MSN: variants seen among roughly 807,000 people sequenced by gnomAD.
MSN encodes epididymis luminal protein 70.
Under a neutral mutation model 48.0 loss-of-function variants are expected in MSN, and 2 were observed. The observed-to-expected ratio is 0.04, with a 90% CI of 0.02 to 0.13. MSN has a LOEUF of 0.13. Ranked by LOEUF, MSN falls within the 10% of genes least tolerant of loss-of-function variation. The pLI, the probability that MSN is intolerant of heterozygous loss-of-function variation, is 1.00. For synonymous variants in MSN, 146 were observed against 166.9 expected (o/e 0.87, Z 0.97); for missense variants, 267 against 470.1 (o/e 0.57, Z 3.99).
At position 65,589,998 on chromosome X, in the gene MSN, T is replaced by C. The variant is rs775259569; in HGVS notation, c.-22+1386T>C. Among the ~76,000 whole-genome samples, 11 of 110,923 alleles carry C rather than the reference T, an allele frequency of 9.9e-5. No homozygotes were observed. The South Asian group carries it at 4.3e-3, about 43-fold the overall frequency. On this transcript the variant is annotated intron_variant, in intron 1 of 3. Coordinates refer to the MSN transcript ENST00000609672. ...CTCCTGCCTCAGCCTCCCAAGTAGC[T>C]GGGATTACAGGTGTACACTGCCCTG...
chrX:65,641,578 ATATATATATATATATATATATATT>A (rs2070652918), intron 1 of MSN, among the ~76,000 whole-genome samples: 71 of 68,338 alleles, frequency 1.0e-3, no homozygotes, highest in African/African-American at 4.1e-3. Context: ...ATATATATAT[ATATATATATATATATATATATATT>A]TTAGCATATT....
At chrX:65,723,282 A>G (rs183312135) in intron 2 of MSN, among the ~76,000 whole-genome samples, 14 of 112,211 alleles carry the variant, frequency 1.2e-4, no homozygotes, top group African/African-American at 3.6e-4. Context: ...ATGGAGTAGA[A>G]TATAAAATTT....
At chrX:65,646,938 G>T (rs1175727801) in intron 1 of MSN, among the ~76,000 whole-genome samples, 1 of 111,052 alleles carries the variant, frequency 9.0e-6, no homozygotes, top group Admixed American at 9.7e-5. Context: ...CAAGAGTGAA[G>T]CTCCATCTCA....
intron 3 of MSN, 37 bp downstream of exon 3, chrX:65,727,946 T>C: frequency 8.8e-7 from 1 of 1,137,357 alleles, no homozygotes; most frequent in Non-Finnish European, 1.2e-6. Context: ...TAGAATTCTT[T>C]TCTTTTCCAG....
chrX:65,629,750 G>T (rs1027209801), intron 1 of MSN, among the ~76,000 whole-genome samples: 1 of 111,617 alleles, frequency 9.0e-6, no homozygotes, highest in African/African-American at 3.3e-5. Flanking sequence ...GCGTGGGAAA[G>T]ACTCGCCCCC....
exon 1 of MSN, chrX:65,588,573 C>T (rs955464627): frequency 3.6e-5 from 29 of 802,809 alleles, no homozygotes; most frequent in Non-Finnish European, 4.2e-5. Flanking sequence ...GCCATCAGTC[C>T]CTTAACTGCC....
chrX:65,724,024 A>T (rs1602854334), intron 2 of MSN, among the ~76,000 whole-genome samples: 1 of 107,868 alleles, frequency 9.3e-6, no homozygotes, highest in African/African-American at 3.4e-5. Context: ...CCCAGCACTG[A>T]GCCTGAATTC....
chrX:65,727,488 C>T (rs2071578945), intron 2 of MSN, among the ~76,000 whole-genome samples: 1 of 112,040 alleles, frequency 8.9e-6, no homozygotes, highest in Non-Finnish European at 1.9e-5. Context: ...TTATTTGAAC[C>T]TCATTTTTGA....
intron 1 of MSN, among the ~76,000 whole-genome samples, chrX:65,678,438 C>G (rs1030359215): frequency 9.0e-6 from 1 of 111,556 alleles, no homozygotes; most frequent in Non-Finnish European, 1.9e-5. Flanking sequence ...CTCTGACAGC[C>G]TAGGAGTGGT....
chrX:65,605,026 C>T (rs760634149), intron 1 of MSN, among the ~76,000 whole-genome samples: 24 of 112,512 alleles, frequency 2.1e-4, no homozygotes, highest in Non-Finnish European at 9.4e-5. Flanking sequence ...ACTTACAATC[C>T]TATTAAAGAT....
At chrX:65,715,475 ATTTG>A (rs1237495488) in intron 1 of MSN, among the ~76,000 whole-genome samples, 1 of 111,480 alleles carries the variant, frequency 9.0e-6, no homozygotes, top group Admixed American at 9.5e-5. Flanking sequence ...CTGTTTCTCC[ATTTG>A]TTTGTGTCAT....
intron 1 of MSN, among the ~76,000 whole-genome samples, chrX:65,697,657 GT>G (rs1422482714): frequency 1.8e-5 from 2 of 112,338 alleles, no homozygotes; most frequent in African/African-American, 6.5e-5. Flanking sequence ...AAACCCATGT[GT>G]AGTGAGACTT....
chrX:65,651,548 G>A (rs1284900730), intron 1 of MSN, among the ~76,000 whole-genome samples: 2 of 97,910 alleles, frequency 2.0e-5, no homozygotes, highest in Admixed American at 2.3e-4. Flanking sequence ...AATGGGCAAG[G>A]AAAGAAGTAA....
chrX:65,687,751 C>A (rs1361199623), intron 1 of MSN, among the ~76,000 whole-genome samples: 1 of 111,742 alleles, frequency 8.9e-6, no homozygotes, highest in East Asian at 2.8e-4. Flanking sequence ...CTTCAAAGAT[C>A]GGAGGTTGAG....
intron 1 of MSN, among the ~76,000 whole-genome samples, chrX:65,613,846 C>A (rs2070342862): frequency 8.9e-6 from 1 of 111,961 alleles, no homozygotes; most frequent in South Asian, 3.7e-4. Flanking sequence ...ATGATAGTTT[C>A]TTTTGCTGTG....
At chrX:65,609,609 C>A (rs181615768) in intron 1 of MSN, among the ~76,000 whole-genome samples, 1 of 111,580 alleles carries the variant, frequency 9.0e-6, no homozygotes, top group African/African-American at 3.3e-5. Context: ...CCTGGCCAGG[C>A]GCGGTGGCTC....
At chrX:65,668,064 G>A (rs1381639903) in intron 1 of MSN, among the ~76,000 whole-genome samples, 1 of 112,413 alleles carries the variant, frequency 8.9e-6, no homozygotes, top group Non-Finnish European at 1.9e-5. Flanking sequence ...GTTTGGACGG[G>A]GCGAGGCCTG....
chrX:65,716,245 C>T (rs767217390), intron 1 of MSN, among the ~76,000 whole-genome samples: 1 of 111,419 alleles, frequency 9.0e-6, no homozygotes, highest in East Asian at 2.8e-4. Flanking sequence ...TTATCATTTG[C>T]CTGCTCTTAG....
At chrX:65,737,635 G>A (rs752558913) in intron 10 of MSN, among the ~76,000 whole-genome samples, 2 of 112,186 alleles carry the variant, frequency 1.8e-5, no homozygotes, top group African/African-American at 3.2e-5. Context: ...TCATATTTGA[G>A]CTCCTGCTGT....
Sources: gnomAD v4.1 joint callset for allele counts (sites outside exome capture counted in the v4.1 genomes callset) on GRCh38, gnomAD v4.1.1 for gene constraint, MANE v1.5 for transcripts, NCBI Gene and HGNC (gene_info 2026-07-23, HGNC 2026-07-21) for gene names.